DDC: variants seen among roughly 807,000 people sequenced by gnomAD.
The protein encoded by DDC is dopa decarboxylase, also known as aromatic-L-amino-acid decarboxylase.
Under a neutral mutation model 60.0 loss-of-function variants are expected in DDC, and 43 were observed. The observed-to-expected ratio is 0.72, with a 90% confidence interval of 0.56 to 0.92. The LOEUF (loss-of-function observed/expected upper bound fraction) is 0.92. Among genes scored for constraint, DDC ranks in the 40% least tolerant of loss-of-function variants. The pLI is 0.00. For missense variants in DDC, 573 were observed against 620.2 expected, an observed-to-expected ratio of 0.92 and a Z score of 0.81; for synonymous variants, 232 against 234.6, an observed-to-expected ratio of 0.99 and a Z score of 0.10.
At chr7:50,500,142 C>T (rs1056752647) in intron 7 of DDC, among the ~76,000 whole-genome samples, 1 of 152,052 alleles carries the variant, frequency 6.6e-6, no homozygotes, top group Non-Finnish European at 1.5e-5. Flanking sequence ...GCGAGCCACC[C>T]TCACCTCACA....
At chr7:50,492,847 C>A (rs1337869561) in intron 9 of DDC, 1 of 1,549,432 alleles carries the variant, frequency 6.5e-7, no homozygotes, top group South Asian at 1.2e-5. Flanking sequence ...AGCGCACAGC[C>A]GCCAACTTGC....
chr7:50,493,912 G>A (rs2043064947), intron 9 of DDC, among the ~76,000 whole-genome samples: 1 of 152,104 alleles, frequency 6.6e-6, no homozygotes, highest in Admixed American at 6.5e-5. Flanking sequence ...TCATGCTTAG[G>A]AGGAAAGTGA....
chr7:50,531,585 G>T lies in DDC; in HGVS notation c.436-2243C>A, dbSNP rs1240437670. On this transcript the variant is annotated intron_variant, in intron 4 of 14. Coordinates refer to ENST00000444124, the MANE Select transcript of DDC (RefSeq NM_001082971.2). ...TCATTATGGCTTTTCTCTGGGGGGG[G>T]ATGGGGGAGCTTAGTTCATGTCCTA... 1.3e-5 allele frequency among the ~76,000 whole-genome samples: 2 copies of T among 151,420 alleles called. 1 individual carries two copies. The highest frequency in any genetic ancestry group is 2.9e-5 in the Non-Finnish European group (2 of 67,878).
At chr7:50,536,349 G>T (rs542817954) in intron 4 of DDC, among the ~76,000 whole-genome samples, 1 of 152,126 alleles carries the variant, frequency 6.6e-6, no homozygotes, top group Non-Finnish European at 1.5e-5. Flanking sequence ...CAACCAAGCT[G>T]TGCCCAACCA....
chr7:50,509,781 C>T (rs1456639746), intron 6 of DDC, among the ~76,000 whole-genome samples: 2 of 152,082 alleles, frequency 1.3e-5, no homozygotes, highest in Non-Finnish European at 2.9e-5. Context: ...TGTTTAATAA[C>T]TCTTTATAAA....
At chr7:50,562,862 T>C (rs576540145) in intron 1 of DDC, among the ~76,000 whole-genome samples, 9 of 152,150 alleles carry the variant, frequency 5.9e-5, no homozygotes, top group Non-Finnish European at 1.0e-4. Context: ...AGTTATTCAG[T>C]AGCTATTAAA....
chr7:50,470,139 G>T lies in DDC; in HGVS notation c.1074C>A (p.Arg358=), dbSNP rs1211830661. The change falls in exon 12 of 15, where the codon CGC becomes CGA. Residue 358 remains arginine, a synonymous_variant. Coordinates refer to ENST00000444124, the MANE Select transcript of DDC (RefSeq NM_001082971.2). ...TAAATACAAACCACATTTTCAAAGA[G>T]CGAAATCTTCTGCCCAGTGGTATCT... ...HWQIPLGRRF[R]SLKMWFVFRM... is the part of the protein sequence containing the mutation. 1 of 1,613,468 alleles carries T rather than the reference G, an allele frequency of 6.2e-7. No individual in the cohort carries two copies. The highest frequency in any genetic ancestry group is 8.5e-7 in the Non-Finnish European group (1 of 1,179,438).
chr7:50,561,406 C>T (rs932875971), intron 1 of DDC, among the ~76,000 whole-genome samples: 3 of 152,116 alleles, frequency 2.0e-5, no homozygotes, highest in South Asian at 2.1e-4. Context: ...GAAGGGACGG[C>T]GTGGCATTTG....
At chr7:50,490,814 T>C (rs987953793) in intron 9 of DDC, among the ~76,000 whole-genome samples, 1 of 152,244 alleles carries the variant, frequency 6.6e-6, no homozygotes, top group Non-Finnish European at 1.5e-5. Flanking sequence ...GGCAAATGAT[T>C]ATTCTTGCTG....
At chr7:50,549,272 C>A (rs1563048885) in intron 1 of DDC, among the ~76,000 whole-genome samples, 1 of 152,212 alleles carries the variant, frequency 6.6e-6, no homozygotes, top group African/African-American at 2.4e-5. Flanking sequence ...AAGGCTGCAT[C>A]TGCCATAGAT....
intron 9 of DDC, chr7:50,492,698 CT>C: frequency 7.2e-7 from 1 of 1,382,590 alleles, no homozygotes; most frequent in Non-Finnish European, 9.4e-7. Flanking sequence ...TCCAAATGGC[CT>C]TTTCCAAATG....
chr7:50,563,222 T>C (rs1435781510), intron 1 of DDC, among the ~76,000 whole-genome samples: 1 of 152,170 alleles, frequency 6.6e-6, no homozygotes, highest in African/African-American at 2.4e-5. Flanking sequence ...TATTTTTTAA[T>C]TGAATTCTAA....
Position 50,543,993 on chromosome 7 carries a change from AG to A in DDC, c.92del (p.Pro31LeufsTer11), listed in dbSNP as rs1443678059. 1.2e-6 allele frequency: 2 copies of A among 1,614,000 alleles called. No homozygotes were observed. Among genetic ancestry groups the A allele is most frequent in the Non-Finnish European group, 1.7e-6 (2 of 1,179,962 alleles). On this transcript the variant is annotated frameshift_variant, in exon 2 of 15. Coordinates refer to ENST00000444124, the MANE Select transcript of DDC (RefSeq NM_001082971.2). LOFTEE classifies it high-confidence loss of function. ...GCCGCAGGTACCCGGGCTCCACGTC[AG>A]GGTAGACCTGGCGTCCCTCAATGCC... is the stretch of plus-strand genomic sequence containing the variant. ...MEGIEGRQVY[P>X]DVEPGYLRPL...
rs1327216322 is a variant in DDC at position 50,529,196 on chromosome 7, C to CA, written c.570+11dup. ...CTTGAAGTCTTGGCTGATACCCCCA[C>CA]AACACACTCACCTGATCGGATGAGT... is the stretch of plus-strand genomic sequence containing the variant. On this transcript the variant is annotated intron_variant, in intron 5 of 14. Coordinates refer to ENST00000444124, the MANE Select transcript of DDC (RefSeq NM_001082971.2). The CA allele has an allele frequency of 6.2e-7, 1 of 1,612,736 alleles. No homozygotes were observed. The highest frequency in any genetic ancestry group is 8.5e-7 in the Non-Finnish European group (1 of 1,180,034).
At chr7:50,491,458 C>A (rs567187999) in intron 9 of DDC, among the ~76,000 whole-genome samples, 4 of 152,198 alleles carry the variant, frequency 2.6e-5, no homozygotes, top group Admixed American at 2.0e-4. Flanking sequence ...AGAGACCAGA[C>A]AAAACCCCAA....
At chr7:50,492,893 G>A in intron 9 of DDC, 1 of 1,593,044 alleles carries the variant, frequency 6.3e-7, no homozygotes, top group African/African-American at 1.3e-5. Flanking sequence ...GCAGCCTCGG[G>A]GCATCAGCTC....
intron 1 of DDC, among the ~76,000 whole-genome samples, chr7:50,551,488 C>A (rs1214647968): frequency 1.3e-5 from 2 of 152,194 alleles, no homozygotes; most frequent in African/African-American, 4.8e-5. Context: ...CCGCCTCAGC[C>A]TCCCAAAATG....
chr7:50,537,701 C>A (rs1014786554), intron 4 of DDC, among the ~76,000 whole-genome samples, 159 bp downstream of exon 4: 2 of 152,184 alleles, frequency 1.3e-5, no homozygotes, highest in African/African-American at 4.8e-5. Context: ...TCCTGCCAAT[C>A]CCAAAGCCAG....
intron 2 of DDC, 50 bp downstream of exon 2, chr7:50,543,835 G>T: frequency 6.5e-7 from 1 of 1,536,142 alleles, no homozygotes; most frequent in Non-Finnish European, 9.0e-7. Flanking sequence ...CCAAGTAGGT[G>T]CTATGTGAGT....
Sources: gnomAD v4.1 joint callset for allele counts (sites outside exome capture counted in the v4.1 genomes callset) on GRCh38, gnomAD v4.1.1 for gene constraint, MANE v1.5 for transcripts, NCBI Gene and HGNC (gene_info 2026-07-23, HGNC 2026-07-21) for gene names.